LHFPL3: variants seen among roughly 807,000 people sequenced by gnomAD.
The protein encoded by LHFPL3 is LHFPL tetraspan subfamily member 3 protein.
A neutral mutation model predicts 19.3 loss-of-function variants in LHFPL3; 5 were observed. That is an observed-to-expected ratio of 0.26 (90% CI 0.14 to 0.54). LHFPL3 has a LOEUF of 0.54. Among genes scored for constraint, LHFPL3 ranks in the 20% least tolerant of loss-of-function variants. LHFPL3 has a pLI of 0.94. For missense variants in LHFPL3, 249 were observed against 307.4 expected, an observed-to-expected ratio of 0.81 and a Z score of 1.42; for synonymous variants, 133 against 126.2, an observed-to-expected ratio of 1.05 and a Z score of -0.36.
At chr7:104,417,884 C>CTTCTTT (rs1554391164) in intron 1 of LHFPL3, among the ~76,000 whole-genome samples, 3,148 of 117,648 alleles carry the variant, frequency 0.027, 189 homozygotes, top group African/African-American at 0.1. Context: ...TCTTCTTCTT[C>CTTCTTT]TTTTTTTTTT....
chr7:104,714,860 G>A (rs899763496), intron 1 of LHFPL3, among the ~76,000 whole-genome samples: 2 of 152,198 alleles, frequency 1.3e-5, no homozygotes, highest in Non-Finnish European at 2.9e-5. Context: ...AGGACTGGGT[G>A]CAGAGGGATG....
At chr7:104,708,756 G>C (rs1239832766) in intron 1 of LHFPL3, among the ~76,000 whole-genome samples, 1 of 152,052 alleles carries the variant, frequency 6.6e-6, no homozygotes, top group Non-Finnish European at 1.5e-5. Flanking sequence ...ATAATGATCT[G>C]GGACTAAAAA....
At chr7:104,731,010 C>A (rs1793693036) in intron 1 of LHFPL3, among the ~76,000 whole-genome samples, 1 of 152,152 alleles carries the variant, frequency 6.6e-6, no homozygotes. Flanking sequence ...GGAATCCTTT[C>A]CCCATTTCTT....
At chr7:104,894,129 C>T (rs954549524) in intron 2 of LHFPL3, among the ~76,000 whole-genome samples, 1 of 152,104 alleles carries the variant, frequency 6.6e-6, no homozygotes. Context: ...ACAGCAGAGC[C>T]GGACCTAATC....
At chr7:104,640,966 A>T (rs1342825337) in intron 1 of LHFPL3, among the ~76,000 whole-genome samples, 3 of 152,212 alleles carry the variant, frequency 2.0e-5, no homozygotes, top group Non-Finnish European at 4.4e-5. Flanking sequence ...ATGATTTTAG[A>T]AGACTATTTA....
At chr7:104,788,675 G>T (rs906162255) in intron 2 of LHFPL3, among the ~76,000 whole-genome samples, 1 of 152,110 alleles carries the variant, frequency 6.6e-6, no homozygotes, top group East Asian at 1.9e-4. Context: ...TCATGTGAAA[G>T]CTGTGAGAAT....
intron 1 of LHFPL3, among the ~76,000 whole-genome samples, chr7:104,576,698 A>G (rs915772769): frequency 6.6e-6 from 1 of 152,062 alleles, no homozygotes; most frequent in Non-Finnish European, 1.5e-5. Flanking sequence ...ACACTGTTTC[A>G]TGGACCCTGT....
intron 1 of LHFPL3, among the ~76,000 whole-genome samples, chr7:104,422,926 G>A (rs780066965): frequency 1.7e-4 from 26 of 152,124 alleles, no homozygotes; most frequent in Non-Finnish European, 3.4e-4. Context: ...ACCTTCAAGT[G>A]AATTAACAGT....
intron 1 of LHFPL3, among the ~76,000 whole-genome samples, chr7:104,488,721 A>G (rs1209130445): frequency 1.3e-5 from 2 of 152,188 alleles, no homozygotes; most frequent in African/African-American, 4.8e-5. Context: ...ACAGACTGCA[A>G]GCGTAGTTGA....
At chr7:104,711,924 C>T (rs752155424) in intron 1 of LHFPL3, among the ~76,000 whole-genome samples, 1 of 152,256 alleles carries the variant, frequency 6.6e-6, no homozygotes, top group Admixed American at 6.5e-5. Context: ...AGCATAACAA[C>T]GTACTACTAT....
In LHFPL3 at chr7:104,603,092, TTCTTTC is replaced by T. The variant is rs1436655371; in HGVS notation, c.446-133581_446-133576del. 5.2e-5 allele frequency among the ~76,000 whole-genome samples: 7 copies of T among 133,410 alleles called. No homozygotes were observed. In the East Asian group the frequency reaches 1.1e-3, roughly 20 times the overall value. The allele number at this position is 133,410 out of a possible 152,430, so 87.5% of individuals were successfully genotyped here. ...TTTCTTTCTTTCTTTCTTTCTTTCTTTCTTTCTTTCTTTCTTTCTTTCTTTCTTTCT... is the reference window on the plus strand; with the variant it reads ...TTTCTTTCTTTCTTTCTTTCTTTCTTTTTCTTTCTTTCTTTCTTTCTTTCT... On this transcript the variant is annotated intron_variant, in intron 1 of 2. Transcript: ENST00000424859.
chr7:104,744,311 T>C (rs1793999592), intron 2 of LHFPL3: 1 of 152,162 alleles, frequency 6.6e-6, no homozygotes, highest in African/African-American at 2.4e-5. Context: ...ATATTAACTT[T>C]ATAAAAACCT....
intron 2 of LHFPL3, among the ~76,000 whole-genome samples, chr7:104,850,294 C>T (rs1007667118): frequency 6.6e-6 from 1 of 152,196 alleles, no homozygotes; most frequent in African/African-American, 2.4e-5. Context: ...AAGAGTGAAA[C>T]TCCGTCACAA....
rs116026004 is a variant in LHFPL3, at chr7:104,686,396, T to C, written c.446-50279T>C. ...GGAGCAGCTGCATGATTTCCACACA[T>C]CAAGAAAGGACAGACAGCTGGCAGA... On this transcript the variant is annotated intron_variant, in intron 1 of 2. Transcript: ENST00000424859. 4.5e-3 allele frequency among the ~76,000 whole-genome samples: 678 copies of C among 152,250 alleles called. 4 individuals are homozygous for C. Among genetic ancestry groups the C allele is most frequent in the African/African-American group, 0.015 (634 of 41,542 alleles).
chr7:104,892,738 A>C (rs1334561958), intron 2 of LHFPL3, among the ~76,000 whole-genome samples: 2 of 151,590 alleles, frequency 1.3e-5, no homozygotes, highest in African/African-American at 4.8e-5. Context: ...AAAAATCCTA[A>C]ATCTACCATT....
At chr7:104,699,634 A>C (rs1296147082) in intron 1 of LHFPL3, among the ~76,000 whole-genome samples, 2 of 152,214 alleles carry the variant, frequency 1.3e-5, no homozygotes, top group African/African-American at 2.4e-5. Context: ...TGATGGCTGC[A>C]CAACACTGTG....
chr7:104,447,031 G>A (rs937447419), intron 1 of LHFPL3, among the ~76,000 whole-genome samples: 6 of 152,200 alleles, frequency 3.9e-5, no homozygotes, highest in Non-Finnish European at 7.4e-5. Context: ...GAGAATTTTC[G>A]GAAACACAGA....
intron 1 of LHFPL3, among the ~76,000 whole-genome samples, chr7:104,700,427 C>T (rs1041091674): frequency 1.3e-5 from 2 of 152,204 alleles, no homozygotes; most frequent in African/African-American, 4.8e-5. Flanking sequence ...ATGGATCTCT[C>T]CCTCTCCTGA....
chr7:104,504,992 C>A (rs1382724405), intron 1 of LHFPL3, among the ~76,000 whole-genome samples: 2 of 147,950 alleles, frequency 1.4e-5, no homozygotes, highest in Non-Finnish European at 3.0e-5. Flanking sequence ...TATATGTGTA[C>A]ACATATATAC....
Sources: allele counts gnomAD v4.1 joint callset (sites outside exome capture counted in the v4.1 genomes callset), GRCh38; gene constraint gnomAD v4.1.1; transcripts MANE v1.5; gene names NCBI Gene and HGNC (gene_info 2026-07-23, HGNC 2026-07-21).